The following NUP54 variants were observed in gnomAD, a reference collection of about 807,000 sequenced individuals.
NUP54 encodes nucleoporin p54.
A neutral mutation model predicts 66.4 loss-of-function variants in NUP54; 27 were observed. That is an observed-to-expected ratio of 0.41 (90% confidence interval 0.30 to 0.56). NUP54 has a LOEUF of 0.56. Ranked by LOEUF, NUP54 falls within the 20% of genes least tolerant of loss-of-function variation. NUP54 has a pLI of 0.34. For synonymous variants in NUP54, 206 were observed against 210.7 expected, an observed-to-expected ratio of 0.98 and a Z score of 0.19; for missense variants, 486 against 596.3, an observed-to-expected ratio of 0.82 and a Z score of 1.93.
chr4:76,136,880 A>T (rs542568983), intron 3 of NUP54, among the ~76,000 whole-genome samples: 14 of 152,356 alleles, frequency 9.2e-5, no homozygotes, highest in African/African-American at 3.4e-4. Context: ...TCCAGAAACT[A>T]TAAAATAATA....
At chr4:76,125,572 T>A (rs1202956753) in intron 8 of NUP54, among the ~76,000 whole-genome samples, 1 of 123,810 alleles carries the variant, frequency 8.1e-6, no homozygotes. Context: ...GAGTTTGAGG[T>A]TGCAGTGAGC....
At chr4:76,141,844 A>C (rs1292638775) in intron 3 of NUP54, among the ~76,000 whole-genome samples, 2 of 152,166 alleles carry the variant, frequency 1.3e-5, no homozygotes, top group Non-Finnish European at 2.9e-5. Context: ...ATTCATATCT[A>C]TCTCTCCAAC....
intron 3 of NUP54, among the ~76,000 whole-genome samples, chr4:76,139,527 A>G (rs1233341323): frequency 6.6e-6 from 1 of 152,220 alleles, no homozygotes; most frequent in Non-Finnish European, 1.5e-5. Flanking sequence ...AGAATGGGGA[A>G]TTCTCTACAC....
intron 4 of NUP54, 134 bp downstream of exon 4, chr4:76,136,052 T>C: frequency 1.5e-6 from 1 of 659,968 alleles, no homozygotes; most frequent in Non-Finnish European, 2.5e-6. Context: ...AATTTCTATA[T>C]TTTCAAAATA....
At chr4:76,137,466 T>C (rs984416793) in intron 3 of NUP54, among the ~76,000 whole-genome samples, 1 of 152,218 alleles carries the variant, frequency 6.6e-6, no homozygotes, top group African/African-American at 2.4e-5. Context: ...GTTATATTTA[T>C]ATAATAAATA....
chr4:76,138,659 A>C (rs1226147904), intron 3 of NUP54, among the ~76,000 whole-genome samples: 1 of 152,198 alleles, frequency 6.6e-6, no homozygotes, highest in African/African-American at 2.4e-5. Flanking sequence ...GAGCTGATCA[A>C]GCCTGAGAGA....
intron 9 of NUP54, among the ~76,000 whole-genome samples, chr4:76,122,916 T>C (rs115126782): frequency 6.6e-6 from 1 of 152,184 alleles, no homozygotes; most frequent in Non-Finnish European, 1.5e-5. Context: ...TACAACACAG[T>C]TGAACTTTGA....
intron 3 of NUP54, among the ~76,000 whole-genome samples, chr4:76,143,409 G>A (rs1161722230): frequency 1.3e-5 from 2 of 152,288 alleles, no homozygotes; most frequent in East Asian, 3.9e-4. Flanking sequence ...TTCCAGACCA[G>A]CCTGGCCAAT....
intron 3 of NUP54, among the ~76,000 whole-genome samples, chr4:76,143,593 G>A (rs566206920): frequency 6.6e-6 from 1 of 152,280 alleles, no homozygotes; most frequent in South Asian, 2.1e-4. Context: ...GACAGAGCAA[G>A]ACTCCGTCTC....
rs528758386 is a variant in NUP54 at position 76,123,406 on chromosome 4, T to C, written c.1164+1243A>G. On this transcript the variant is annotated intron_variant, in intron 9 of 11. Transcript: ENST00000264883. Reference sequence around the variant, plus strand: ...ACTGTTTCTGTGGTATTTGTTTTCTTACTTCTCTGTAGATTTTGGTAATTT... The same window carrying C: ...ACTGTTTCTGTGGTATTTGTTTTCTCACTTCTCTGTAGATTTTGGTAATTT... Among the ~76,000 whole-genome samples, 7 of 152,330 alleles carry C rather than the reference T, an allele frequency of 4.6e-5. No individual in the cohort carries two copies. The South Asian group carries it at 1.5e-3, about 32-fold the overall frequency.
rs138764195 is a variant in NUP54 at position 76,136,351 on chromosome 4, A to G, written c.357T>C (p.Asn119=). The change falls in exon 4 of 12, where the codon AAT becomes AAC. Residue 119 remains asparagine (N), a synonymous_variant. Coordinates refer to ENST00000264883, the MANE Select transcript of NUP54 (RefSeq NM_017426.4). ...QAPTQSNQLI[N]TASALSAPTL... Reference sequence around the variant, plus strand: ...TTGGAGCAGAAAGAGCACTCGCAGTATTTATCAGCTGGTTGGACTGGGTAG... The same window carrying G: ...TTGGAGCAGAAAGAGCACTCGCAGTGTTTATCAGCTGGTTGGACTGGGTAG... The G allele has an allele frequency of 2.2e-5, 35 of 1,614,080 alleles. No individual in the cohort carries two copies. The South Asian group carries it at 2.9e-4, about 13-fold the overall frequency.
Position 76,115,407 on chromosome 4 carries a change from A to G in NUP54, c.1483T>C (p.Leu495=). ...CCTCTGATGTGGATGGTTTCATTCA[A>G]TCCATGTTCGACCAGCTTTATATCT... ...LEDIKLVEHG[L]NETIHIRGGV... is the part of the protein sequence containing the mutation. Residue 495 remains leucine, a synonymous_variant, in exon 12 of 12, where the codon TTG becomes CTG. Transcript: ENST00000264883. 1.9e-6 allele frequency: 3 copies of G among 1,611,082 alleles called. No homozygotes were observed. Among genetic ancestry groups the G allele is most frequent in the African/African-American group, 1.3e-5 (1 of 74,936 alleles).
At chr4:76,134,780 C>T (rs951114991) in intron 4 of NUP54, among the ~76,000 whole-genome samples, 5 of 151,990 alleles carry the variant, frequency 3.3e-5, no homozygotes, top group African/African-American at 7.2e-5. Context: ...GAAAGCAATA[C>T]GCATTCATAT....
chr4:76,130,967 T>C (rs1730774913), intron 7 of NUP54: 1 of 600,790 alleles, frequency 1.7e-6, no homozygotes, highest in Non-Finnish European at 3.0e-6. Context: ...CATTACATTA[T>C]TAAATGAAAA....
intron 8 of NUP54, among the ~76,000 whole-genome samples, chr4:76,126,687 C>T (rs933967123): frequency 4.0e-5 from 6 of 149,230 alleles, no homozygotes; most frequent in African/African-American, 9.8e-5. Flanking sequence ...CAAGAAAGAA[C>T]GCATGAGATT....
chr4:76,119,677 T>C (rs6532204), intron 9 of NUP54, among the ~76,000 whole-genome samples: 73,587 of 151,846 alleles, frequency 0.48, 18,847 homozygotes, highest in East Asian at 0.9. Flanking sequence ...TGTGCCAGGC[T>C]GCTTCTCTTT....
At chr4:76,127,394 T>G (rs1303422433) in intron 8 of NUP54, among the ~76,000 whole-genome samples, 2 of 128,922 alleles carry the variant, frequency 1.6e-5, no homozygotes, top group African/African-American at 3.1e-5. Flanking sequence ...ATTGCGCCAC[T>G]GCACTCCAGC....
intron 10 of NUP54, 116 bp from the exon 11 acceptor site, chr4:76,117,890 T>C: frequency 1.0e-6 from 1 of 1,004,794 alleles, no homozygotes; most frequent in Non-Finnish European, 1.5e-6. Context: ...TTTCTCTCTC[T>C]GTACATTATA....
chr4:76,135,356 A>G, intron 4 of NUP54, among the ~76,000 whole-genome samples: 1 of 152,208 alleles, frequency 6.6e-6, no homozygotes, highest in East Asian at 1.9e-4. Flanking sequence ...TACATTATGC[A>G]TTTTACCATG....
Sources: allele counts gnomAD v4.1 joint callset (sites outside exome capture counted in the v4.1 genomes callset), GRCh38; gene constraint gnomAD v4.1.1; transcripts MANE v1.5; gene names NCBI Gene and HGNC (gene_info 2026-07-23, HGNC 2026-07-21).